GFOD1: variants seen among roughly 807,000 people sequenced by gnomAD.
GFOD1 encodes the protein Gfo/Idh/MocA-like oxidoreductase domain containing 1.
A neutral mutation model predicts 25.4 loss-of-function variants in GFOD1; 9 were observed. That is an observed-to-expected ratio of 0.35 (90% CI 0.21 to 0.62). GFOD1 has a LOEUF of 0.62. Ranked by LOEUF, GFOD1 falls within the 20% of genes least tolerant of loss-of-function variation. GFOD1 has a pLI of 0.72. For missense variants in GFOD1, 403 were observed against 556.9 expected (o/e 0.72, Z 2.78); for synonymous variants, 253 against 245.6 (o/e 1.03, Z -0.28).
chr6:13,433,248 T>A (rs1042268221), intron 1 of GFOD1, among the ~76,000 whole-genome samples: 4 of 151,888 alleles, frequency 2.6e-5, no homozygotes, highest in Admixed American at 6.6e-5. Context: ...GCCTCTCAAG[T>A]AGCTGGGATT....
intron 1 of GFOD1, among the ~76,000 whole-genome samples, chr6:13,404,312 T>G (rs1020096144): frequency 1.3e-5 from 2 of 152,160 alleles, no homozygotes; most frequent in African/African-American, 4.8e-5. Context: ...GTCCAGCCCC[T>G]TCTTAGAACT....
rs1029464986 is a variant in GFOD1, at chr6:13,410,948, C to T, written c.254-45286G>A. On this transcript the variant is annotated intron_variant, in intron 1 of 1. Transcript: ENST00000379287. Reference sequence around the variant, plus strand: ...CACACAGCAATACAGAGTTTAATTTCACGGATGCAGAAGGAAAGCTTTCAA... The same window carrying T: ...CACACAGCAATACAGAGTTTAATTTTACGGATGCAGAAGGAAAGCTTTCAA... Among the ~76,000 whole-genome samples, 6 of 152,316 alleles carry T rather than the reference C, an allele frequency of 3.9e-5. 1 individual carries two copies. The highest frequency in any genetic ancestry group is 3.9e-4 in the Admixed American group (6 of 15,296).
intron 1 of GFOD1, among the ~76,000 whole-genome samples, chr6:13,408,813 G>C (rs1360730674): frequency 6.6e-6 from 1 of 152,042 alleles, no homozygotes; most frequent in East Asian, 1.9e-4. Flanking sequence ...AGGCCAGTGT[G>C]GTGGCTCACG....
intron 1 of GFOD1, among the ~76,000 whole-genome samples, chr6:13,392,678 T>G (rs1305199911): frequency 6.6e-6 from 1 of 152,088 alleles, no homozygotes; most frequent in Non-Finnish European, 1.5e-5. Flanking sequence ...CTGACTCTTG[T>G]CATTTCATAT....
chr6:13,433,916 G>A (rs1323731016), intron 1 of GFOD1, among the ~76,000 whole-genome samples: 1 of 152,208 alleles, frequency 6.6e-6, no homozygotes, highest in Non-Finnish European at 1.5e-5. Context: ...GCGCTTATCT[G>A]CAGACTATCG....
intron 1 of GFOD1, among the ~76,000 whole-genome samples, chr6:13,434,998 G>A (rs555653139): frequency 5.3e-5 from 8 of 152,298 alleles, no homozygotes; most frequent in South Asian, 4.1e-4. Flanking sequence ...CAGGGCAACC[G>A]TAGACCTGCC....
intron 1 of GFOD1, among the ~76,000 whole-genome samples, chr6:13,366,009 C>G (rs1785040336): frequency 6.6e-6 from 1 of 151,050 alleles, no homozygotes; most frequent in Non-Finnish European, 1.5e-5. Flanking sequence ...GAGGTTGAGG[C>G]TGCAGTGAGC....
chr6:13,479,919 C>A (rs1456814458), intron 1 of GFOD1, among the ~76,000 whole-genome samples: 1 of 152,220 alleles, frequency 6.6e-6, no homozygotes, highest in Non-Finnish European at 1.5e-5. Context: ...CAAGCAAGAA[C>A]TGGAAATGCA....
intron 1 of GFOD1, among the ~76,000 whole-genome samples, chr6:13,478,063 C>CAAA (rs70989861): frequency 1.5e-5 from 2 of 133,178 alleles, no homozygotes; most frequent in Non-Finnish European, 3.1e-5. Flanking sequence ...GAATCTATCT[C>CAAA]AAAAAAAAAA....
chr6:13,483,179 G>A (rs1180726714), intron 1 of GFOD1, among the ~76,000 whole-genome samples: 1 of 152,012 alleles, frequency 6.6e-6, no homozygotes, highest in East Asian at 1.9e-4. Context: ...GGCAAGATGG[G>A]GGCACACAGT....
chr6:13,461,237 A>G (rs1758285143), intron 1 of GFOD1, among the ~76,000 whole-genome samples: 1 of 152,164 alleles, frequency 6.6e-6, no homozygotes, highest in Admixed American at 6.5e-5. Flanking sequence ...TATCTTGTGC[A>G]TGGTGGGTCC....
intron 1 of GFOD1, among the ~76,000 whole-genome samples, chr6:13,478,663 G>A (rs995041483): frequency 5.9e-5 from 9 of 152,222 alleles, no homozygotes; most frequent in Non-Finnish European, 1.2e-4. Context: ...GCTGGGTGCG[G>A]GGGCAGGGCT....
At chr6:13,380,109 G>A (rs1785333071) in intron 1 of GFOD1, among the ~76,000 whole-genome samples, 1 of 152,238 alleles carries the variant, frequency 6.6e-6, no homozygotes, top group African/African-American at 2.4e-5. Context: ...AGCTCTTAGA[G>A]CTGCAAGAAT....
Position 13,364,722 on chromosome 6 carries a change from C to T in GFOD1, c.*21G>A. On this transcript the variant is annotated 3_prime_UTR_variant, in exon 2 of 2. Transcript: ENST00000379287. This position sits in a 1 kb window ranked among gnomAD's most constrained non-coding sequence, Gnocchi z 4.1. ...GACATCCCCTGCAGAAGGCTCAAGT[C>T]CCCGAGGTTCTCAATCTGTGCTAAC... 5 of 1,587,548 alleles carry T rather than the reference C, an allele frequency of 3.1e-6. No homozygotes were observed. The highest frequency in any genetic ancestry group is 4.3e-6 in the Non-Finnish European group (5 of 1,163,594).
Position 13,360,176 on chromosome 6 carries a change from G to C in GFOD1, c.*4567C>G, listed in dbSNP as rs2127553247. 6.4e-6 allele frequency: 1 copy of C among 156,288 alleles called. No individual in the cohort carries two copies. The highest frequency in any genetic ancestry group is 1.9e-4 in the South Asian group (1 of 5,226). The allele number at this position is 156,288 out of a possible 1,614,324, so 9.7% of individuals were successfully genotyped here. On this transcript the variant is annotated 3_prime_UTR_variant, in exon 2 of 2. Coordinates refer to ENST00000379287, the MANE Select transcript of GFOD1 (RefSeq NM_018988.4). ...TCCTGGCTCTACCACTAAAGATGTG[G>C]GTGGCCTTGACCATCACTCTCTGTT...
intron 1 of GFOD1, among the ~76,000 whole-genome samples, chr6:13,447,740 CA>C (rs34431944): frequency 5.4e-3 from 173 of 31,862 alleles, no homozygotes; most frequent in Non-Finnish European, 6.8e-3. Context: ...GACTCCTTCT[CA>C]AAAAAAAAAA....
At chr6:13,440,559 C>A (rs940219133) in intron 1 of GFOD1, among the ~76,000 whole-genome samples, 1 of 152,194 alleles carries the variant, frequency 6.6e-6, no homozygotes, top group Non-Finnish European at 1.5e-5. Flanking sequence ...ACGATGACTG[C>A]TCTCAGAGCC....
chr6:13,400,494 G>A (rs1427114891), intron 1 of GFOD1, among the ~76,000 whole-genome samples: 1 of 152,150 alleles, frequency 6.6e-6, no homozygotes, highest in African/African-American at 2.4e-5. Flanking sequence ...TTCTTAGCAG[G>A]GATCAGGAAA....
chr6:13,463,675 C>T lies in GFOD1; in HGVS notation c.253+22963G>A, dbSNP rs368169748. ...AGAAAGAAAATACGATAGCATTTCA[C>T]GTGCCAATGAAACAAGGGTAAGCAT... is the stretch of plus-strand genomic sequence containing the variant. On this transcript the variant is annotated intron_variant, in intron 1 of 1. Transcript: ENST00000379287. Among the ~76,000 whole-genome samples, 31 of 152,244 alleles carry T rather than the reference C, an allele frequency of 2.0e-4. 1 individual carries two copies. Among genetic ancestry groups the T allele is most frequent in the African/African-American group, 7.2e-4 (30 of 41,530 alleles).
Sources: allele counts gnomAD v4.1 joint callset (sites outside exome capture counted in the v4.1 genomes callset), GRCh38; gene constraint gnomAD v4.1.1; non-coding constraint Gnocchi (gnomAD v3.1); transcripts MANE v1.5; gene names NCBI Gene and HGNC (gene_info 2026-07-23, HGNC 2026-07-21).